CWF19L1: variants seen among roughly 807,000 people sequenced by gnomAD.
The protein encoded by CWF19L1 is CWF19 like cell cycle control factor 1, also known as CWF19-like protein 1.
CWF19L1 carries 60 observed loss-of-function variants against 69.7 expected under a neutral mutation model. That is an observed-to-expected ratio of 0.86 (90% CI 0.70 to 1.07). The LOEUF is 1.07. CWF19L1 is among the 50% of genes least tolerant of loss of function. The pLI, the probability that CWF19L1 is intolerant of heterozygous loss-of-function variation, is 0.00. For synonymous variants in CWF19L1, 209 were observed against 222.2 expected (o/e 0.94, Z 0.53); for missense variants, 591 against 638.9 (o/e 0.92, Z 0.81).
chr10:100,233,204 C>A lies in CWF19L1; in HGVS notation c.*23G>T, dbSNP rs2134268367. ...AAGCTTTACTACTTCCTGTGGAGTT[C>A]ATAAAAAGTTCTTCCCTTTGTTTTA... On this transcript the variant is annotated 3_prime_UTR_variant, in exon 14 of 14. Transcript: ENST00000354105. 1 of 1,570,730 alleles carries A rather than the reference C, an allele frequency of 6.4e-7. No individual in the cohort carries two copies. Among genetic ancestry groups the A allele is most frequent in the Middle Eastern group, 1.7e-4 (1 of 5,798 alleles).
chr10:100,267,168 A>AT (rs1847625984), intron 1 of CWF19L1, among the ~76,000 whole-genome samples: 1 of 141,972 alleles, frequency 7.0e-6, no homozygotes, highest in African/African-American at 2.8e-5. Context: ...AAAAAAAAAA[A>AT]ATGCCCCAGG....
chr10:100,266,090 C>A (rs1223919216), intron 1 of CWF19L1, among the ~76,000 whole-genome samples: 1 of 152,058 alleles, frequency 6.6e-6, no homozygotes, highest in East Asian at 1.9e-4. Context: ...CTAACATTCT[C>A]GGGAAGCCTT....
chr10:100,240,967 C>CCCCTAG (rs900302918), intron 10 of CWF19L1, among the ~76,000 whole-genome samples: 13 of 151,012 alleles, frequency 8.6e-5, no homozygotes, highest in African/African-American at 3.2e-4. Context: ...ATTAGTGCTC[C>CCCCTAG]CCCTAGAGAC....
Position 100,267,528 on chromosome 10 carries a change from G to A in CWF19L1, c.23+43C>T, listed in dbSNP as rs761578150. The stretch of plus-strand genomic sequence containing the variant: ...CGCCCGTGTCGTCACCTACACACAC[G>A]AAAGAGACACAGGGAGAGAGGCTTC... On this transcript the variant is annotated intron_variant, in intron 1 of 13. Coordinates refer to ENST00000354105, the MANE Select transcript of CWF19L1 (RefSeq NM_018294.6). 1.2e-5 allele frequency: 20 copies of A among 1,614,084 alleles called. No homozygotes were observed. In the East Asian group the frequency reaches 2.5e-4, roughly 20 times the overall value.
chr10:100,254,288 AG>A (rs1254110165), intron 5 of CWF19L1: 2 of 152,224 alleles, frequency 1.3e-5, no homozygotes. Flanking sequence ...TATCTGGTAT[AG>A]AGTATTCAAG....
At chr10:100,262,746 C>T (rs1333357870) in intron 1 of CWF19L1, among the ~76,000 whole-genome samples, 1 of 151,938 alleles carries the variant, frequency 6.6e-6, no homozygotes, top group Non-Finnish European at 1.5e-5. Flanking sequence ...GTAAACTGGC[C>T]CTACGTTGTG....
At chr10:100,245,551 A>G (rs978277581) in intron 9 of CWF19L1, among the ~76,000 whole-genome samples, 6 of 152,206 alleles carry the variant, frequency 3.9e-5, no homozygotes, top group South Asian at 4.1e-4. Context: ...GGCTATTGCT[A>G]TAACAAATGT....
chr10:100,242,058 T>C (rs1846655748), intron 10 of CWF19L1, among the ~76,000 whole-genome samples: 1 of 152,240 alleles, frequency 6.6e-6, no homozygotes, highest in South Asian at 2.1e-4. Context: ...TATTATTTAA[T>C]GTCTAATCCA....
intron 6 of CWF19L1, 86 bp downstream of exon 6, chr10:100,253,335 T>C (rs1234284846): frequency 7.7e-6 from 6 of 782,796 alleles, no homozygotes; most frequent in Non-Finnish European, 1.3e-5. Flanking sequence ...CAAGATGTTA[T>C]ATGGTTAAAA....
chr10:100,248,060 T>C (rs12252052), intron 7 of CWF19L1, among the ~76,000 whole-genome samples: 7,429 of 152,252 alleles, frequency 0.049, 602 homozygotes, highest in African/African-American at 0.17. Context: ...AAGTATAAGT[T>C]GCTTATGGCT....
At chr10:100,263,256 A>G (rs1281693098) in intron 1 of CWF19L1, among the ~76,000 whole-genome samples, 1 of 152,126 alleles carries the variant, frequency 6.6e-6, no homozygotes, top group African/African-American at 2.4e-5. Flanking sequence ...TCACCTTTCT[A>G]GTACTTTCTC....
rs1170756899 is a variant in CWF19L1, at chr10:100,238,181, G to A, written c.1095C>T (p.Ile365=). 1.2e-5 allele frequency: 20 copies of A among 1,614,014 alleles called. No individual in the cohort carries two copies. In the East Asian group the frequency reaches 1.3e-4, roughly 11 times the overall value. ...KGGLSDDHVL[I]LPIGHYQSVV... Reference sequence around the variant, plus strand: ...CTGACTGGTAGTGTCCAATAGGCAGGATGAGGACATGGTCATCAGATAAGC... The same window carrying A: ...CTGACTGGTAGTGTCCAATAGGCAGAATGAGGACATGGTCATCAGATAAGC... Residue 365 remains isoleucine (I), a synonymous_variant, in exon 11 of 14, where the codon ATC becomes ATT. Transcript: ENST00000354105.
chr10:100,256,813 C>T (rs1847228093), intron 4 of CWF19L1, among the ~76,000 whole-genome samples: 1 of 152,166 alleles, frequency 6.6e-6, no homozygotes, highest in Non-Finnish European at 1.5e-5. Context: ...TCTACATGGA[C>T]TTAAATGCAG....
chr10:100,265,450 A>G (rs554817455), intron 1 of CWF19L1, among the ~76,000 whole-genome samples: 2 of 150,432 alleles, frequency 1.3e-5, no homozygotes, highest in Admixed American at 6.6e-5. Flanking sequence ...TGCAAACTCC[A>G]TTCATGATAA....
chr10:100,263,832 T>A (rs142549276), intron 1 of CWF19L1, among the ~76,000 whole-genome samples: 2 of 152,358 alleles, frequency 1.3e-5, no homozygotes, highest in East Asian at 3.9e-4. Flanking sequence ...CTGTCATCAC[T>A]CTACCTAATC....
chr10:100,237,202 T>C (rs1163255153), intron 11 of CWF19L1: 3 of 709,246 alleles, frequency 4.2e-6, no homozygotes, highest in Non-Finnish European at 7.9e-6. Flanking sequence ...AAGAGAGATA[T>C]CTCCGTCACA....
intron 10 of CWF19L1, among the ~76,000 whole-genome samples, chr10:100,241,474 G>C (rs12763385): frequency 0.062 from 9,494 of 152,216 alleles, 340 homozygotes; most frequent in African/African-American, 0.095. Context: ...TAAGTTGAAA[G>C]GATCAACCCC....
intron 10 of CWF19L1, among the ~76,000 whole-genome samples, chr10:100,242,161 A>ATC (rs1298229832): frequency 6.6e-6 from 1 of 152,122 alleles, no homozygotes; most frequent in African/African-American, 2.4e-5. Context: ...CCTGAATAAA[A>ATC]TCATACTCAA....
At chr10:100,261,421 G>C (rs552859035) in intron 2 of CWF19L1, among the ~76,000 whole-genome samples, 1 of 152,128 alleles carries the variant, frequency 6.6e-6, no homozygotes, top group African/African-American at 2.4e-5. Context: ...AAGAATCCCC[G>C]TGTGAAACAA....
Sources: gnomAD v4.1 joint callset for allele counts (sites outside exome capture counted in the v4.1 genomes callset) on GRCh38, gnomAD v4.1.1 for gene constraint, MANE v1.5 for transcripts, NCBI Gene and HGNC (gene_info 2026-07-23, HGNC 2026-07-21) for gene names.